CAV3: variants seen among roughly 807,000 people sequenced by gnomAD.
CAV3 encodes caveolin-3.
CAV3 carries 10 observed loss-of-function variants against 13.4 expected under a neutral mutation model. The ratio of observed to expected loss-of-function variants is 0.75; its 90% CI spans 0.46 to 1.27. CAV3 has a LOEUF of 1.27. CAV3 is among the 50% of genes most tolerant of loss of function. CAV3 has a pLI of 0.00. For synonymous variants in CAV3, 90 were observed against 79.0 expected (o/e 1.14, Z -0.74); for missense variants, 162 against 194.0 (o/e 0.83, Z 0.98).
intron 1 of CAV3, among the ~76,000 whole-genome samples, chr3:8,735,469 T>C (rs1707722193): frequency 6.6e-6 from 1 of 152,232 alleles, no homozygotes; most frequent in African/African-American, 2.4e-5. Flanking sequence ...TTCGCATGCC[T>C]GTACTGTTTC....
intron 1 of CAV3, among the ~76,000 whole-genome samples, chr3:8,740,169 A>G (rs916368920): frequency 6.6e-6 from 1 of 152,202 alleles, no homozygotes; most frequent in African/African-American, 2.4e-5. Context: ...ATGGGGGCTC[A>G]GTGCTCCTAA....
intron 1 of CAV3, 64 bp downstream of exon 1, chr3:8,734,054 G>C: frequency 2.3e-6 from 2 of 864,442 alleles, no homozygotes; most frequent in South Asian, 1.4e-5. Flanking sequence ...TGGGCGCTTG[G>C]CAGGGGAGGG....
intron 1 of CAV3, among the ~76,000 whole-genome samples, chr3:8,739,872 G>C (rs1707897105): frequency 6.6e-6 from 1 of 152,110 alleles, no homozygotes; most frequent in Non-Finnish European, 1.5e-5. Context: ...GGTCCCACTG[G>C]GGGCCTCTCA....
chr3:8,742,606 A>G (rs1708011879), intron 1 of CAV3: 4 of 449,214 alleles, frequency 8.9e-6, no homozygotes, highest in South Asian at 6.3e-5. Flanking sequence ...AGAGCACCTG[A>G]AGGAATAATT....
intron 1 of CAV3, among the ~76,000 whole-genome samples, chr3:8,741,509 G>C (rs1045288676): frequency 1.3e-5 from 2 of 152,088 alleles, no homozygotes; most frequent in African/African-American, 4.8e-5. Context: ...TGTCATTACA[G>C]ATCTTGGCCC....
intron 1 of CAV3, chr3:8,742,372 A>AAAAG (rs1553614070): frequency 5.8e-5 from 20 of 345,868 alleles, no homozygotes; most frequent in South Asian, 1.1e-4. Flanking sequence ...AAAAAAAAAA[A>AAAAG]AAGAAGAAGA....
intron 1 of CAV3, among the ~76,000 whole-genome samples, chr3:8,735,984 T>G (rs527332236): frequency 2.0e-5 from 3 of 152,308 alleles, no homozygotes; most frequent in East Asian, 1.9e-4. Context: ...TCGTTAGTGA[T>G]GGAGATAGAG....
chr3:8,738,926 A>G (rs1320239813), intron 1 of CAV3, among the ~76,000 whole-genome samples: 1 of 152,258 alleles, frequency 6.6e-6, no homozygotes, highest in African/African-American at 2.4e-5. Context: ...CTGCAGAAGA[A>G]TAATGAACTA....
chr3:8,737,587 G>A (rs533410372), intron 1 of CAV3, among the ~76,000 whole-genome samples: 1 of 152,320 alleles, frequency 6.6e-6, no homozygotes, highest in South Asian at 2.1e-4. Flanking sequence ...CCAGGGCAGT[G>A]TAGAAGGTCA....
chr3:8,735,640 C>T (rs1707728326), intron 1 of CAV3, among the ~76,000 whole-genome samples: 1 of 152,224 alleles, frequency 6.6e-6, no homozygotes, highest in African/African-American at 2.4e-5. Flanking sequence ...TTCAGTGGGG[C>T]ACCTCCCATG....
chr3:8,745,795 C>T lies in CAV3; in HGVS notation c.384C>T (p.Phe128=), dbSNP rs773934743. 47 of 1,613,926 alleles carry T rather than the reference C, an allele frequency of 2.9e-5. No individual in the cohort carries two copies. The highest frequency in any genetic ancestry group is 1.2e-4 in the Admixed American group (7 of 60,012). ...TCTACTCACTCTGCATCCGCACCTT[C>T]TGCAACCCACTCTTCGCGGCCCTGG... ...SHIYSLCIRT[F]CNPLFAALGQ... The change falls in exon 2 of 2, where the codon TTC becomes TTT. Residue 128 remains phenylalanine (F), a synonymous_variant. Transcript: ENST00000343849. The surrounding 1 kb of genome is among the most constrained non-coding windows in gnomAD (Gnocchi z 4.8).
At position 8,734,813 on chromosome 3, in the gene CAV3, G is replaced by A. The variant is rs550323447; in HGVS notation, c.114+823G>A. The stretch of plus-strand genomic sequence containing the variant: ...GCCTCACTGCAGCCTCAACCTCCCA[G>A]GCTCAAGTGATTCTCCCTCCTCCAC... On this transcript the variant is annotated intron_variant, in intron 1 of 1. Transcript: ENST00000343849. Among the ~76,000 whole-genome samples, 8 of 152,314 alleles carry A rather than the reference G, an allele frequency of 5.3e-5. No homozygotes were observed. In the South Asian group the frequency reaches 1.5e-3, roughly 28 times the overall value.
chr3:8,738,656 A>G (rs1230895375), intron 1 of CAV3, among the ~76,000 whole-genome samples: 2 of 152,234 alleles, frequency 1.3e-5, no homozygotes, highest in East Asian at 3.8e-4. Context: ...GAGAAAAATT[A>G]AAAATGTGAA....
chr3:8,734,038 G>A lies in CAV3; in HGVS notation c.114+48G>A, dbSNP rs151222758. The A allele has an allele frequency of 1.3e-3, 1,390 of 1,061,052 alleles. 3 individuals carry two copies. Among genetic ancestry groups the A allele is most frequent in the Middle Eastern group, 2.2e-3 (11 of 4,976 alleles). The allele number at this position is 1,061,052 out of a possible 1,614,324, so 65.7% of individuals were successfully genotyped here. A position where few individuals can be genotyped will look rare whatever the true frequency, so the allele number is the denominator to read the frequency against. On this transcript the variant is annotated intron_variant, in intron 1 of 1. Coordinates refer to ENST00000343849, the MANE Select transcript of CAV3 (RefSeq NM_033337.3). ...GGCGGGCGGAGAGTGTCAGGTTTGC[G>A]AGACGTGGGCGCTTGGCAGGGGAGG...
intron 1 of CAV3, among the ~76,000 whole-genome samples, chr3:8,738,068 T>C (rs1559645170): frequency 6.6e-6 from 1 of 151,660 alleles, no homozygotes; most frequent in Non-Finnish European, 1.5e-5. Flanking sequence ...TCTCTCTCTC[T>C]TCTCTCTCTA....
At position 8,746,538 on chromosome 3, in the gene CAV3, C is replaced by T. The variant is rs1167441729; in HGVS notation, c.*671C>T. The T allele has an allele frequency of 6.6e-6, 1 of 152,090 alleles. No individual in the cohort carries two copies. The highest frequency in any genetic ancestry group is 1.5e-5 in the Non-Finnish European group (1 of 68,064). The allele number at this position is 152,090 out of a possible 1,614,324, so 9.4% of individuals were successfully genotyped here. On this transcript the variant is annotated 3_prime_UTR_variant, in exon 2 of 2. Transcript: ENST00000343849. ...AATGGGCACCAATGGAGGAAAATGA[C>T]CCTTGGGCTGGCAGGGGCAGTGACC...
intron 1 of CAV3, chr3:8,742,427 G>C (rs781263676): frequency 1.9e-5 from 8 of 422,584 alleles, no homozygotes; most frequent in Non-Finnish European, 3.8e-5. Context: ...AGCCATTGGC[G>C]GTAGGATTAT....
At chr3:8,734,868 G>A (rs960578008) in intron 1 of CAV3, among the ~76,000 whole-genome samples, 42 of 152,280 alleles carry the variant, frequency 2.8e-4, no homozygotes, top group African/African-American at 9.6e-4. Context: ...ACAGGCGAGT[G>A]CCACCATGCC....
Position 8,745,460 on chromosome 3 carries a change from C to G in CAV3, c.115-66C>G. 7.7e-7 allele frequency: 1 copy of G among 1,293,338 alleles called. No individual in the cohort carries two copies. The highest frequency in any genetic ancestry group is 1.1e-6 in the Non-Finnish European group (1 of 892,938). 80.1% of individuals were successfully genotyped at this position (1,293,338 alleles called of 1,614,324 possible). On this transcript the variant is annotated intron_variant, in intron 1 of 1. Coordinates refer to ENST00000343849, the MANE Select transcript of CAV3 (RefSeq NM_033337.3). The surrounding 1 kb of genome is among the most constrained non-coding windows in gnomAD (Gnocchi z 4.8). The stretch of plus-strand genomic sequence containing the variant: ...TAGGGGATTCTGACACATGCACGCA[C>G]ACACCCAAAAGCTTGAGAAGCGGGT...
Sources: gnomAD v4.1 joint callset for allele counts (sites outside exome capture counted in the v4.1 genomes callset) on GRCh38, gnomAD v4.1.1 for gene constraint, Gnocchi (gnomAD v3.1) non-coding constraint, MANE v1.5 for transcripts, NCBI Gene and HGNC (gene_info 2026-07-23, HGNC 2026-07-21) for gene names.